Variants in TNFRSF21 observed in about 807,000 individuals in gnomAD.
TNFRSF21 encodes the protein TNF receptor superfamily member 21.
In TNFRSF21, 19 loss-of-function variants were observed where a neutral mutation model predicts 45.6. The observed-to-expected ratio is 0.42, with a 90% CI of 0.29 to 0.61. The LOEUF is 0.61. TNFRSF21 is among the 20% of genes least tolerant of loss of function. TNFRSF21 has a pLI of 0.23. For missense variants in TNFRSF21, 737 were observed against 851.5 expected, an observed-to-expected ratio of 0.87 and a Z score of 1.67; for synonymous variants, 314 against 335.5, an observed-to-expected ratio of 0.94 and a Z score of 0.70.
chr6:47,283,280 C>T (rs530892948), intron 3 of TNFRSF21, among the ~76,000 whole-genome samples: 7 of 152,326 alleles, frequency 4.6e-5, no homozygotes, highest in Admixed American at 4.6e-4. Flanking sequence ...CTGTATTCAA[C>T]ACATGCTGAC....
At chr6:47,285,908 CCTT>C (rs1762638970) in intron 2 of TNFRSF21, 33 bp downstream of exon 2, 5 of 1,599,356 alleles carry the variant, frequency 3.1e-6, no homozygotes, top group Non-Finnish European at 4.3e-6. Context: ...GGGCTCAAAG[CCTT>C]CCTCAAATAA....
chr6:47,236,976 T>C (rs1294808917), intron 4 of TNFRSF21, among the ~76,000 whole-genome samples: 2 of 151,800 alleles, frequency 1.3e-5, no homozygotes, highest in Non-Finnish European at 2.9e-5. Context: ...AAATGTTTAA[T>C]TTCCCCCCCC....
At chr6:47,274,245 G>A (rs1330098318) in intron 3 of TNFRSF21, among the ~76,000 whole-genome samples, 2 of 152,048 alleles carry the variant, frequency 1.3e-5, no homozygotes, top group Non-Finnish European at 2.9e-5. Context: ...TATACTACAA[G>A]GCTATAGTAA....
chr6:47,261,401 G>C (rs34219815), intron 3 of TNFRSF21, among the ~76,000 whole-genome samples: 1 of 152,146 alleles, frequency 6.6e-6, no homozygotes. Flanking sequence ...AAATGAATGA[G>C]AGTCTTTTTT....
At chr6:47,252,687 G>C (rs1764916711) in intron 4 of TNFRSF21, among the ~76,000 whole-genome samples, 1 of 152,180 alleles carries the variant, frequency 6.6e-6, no homozygotes, top group South Asian at 2.1e-4. Flanking sequence ...TCCAAAGCCA[G>C]GGCTTATTAG....
intron 4 of TNFRSF21, among the ~76,000 whole-genome samples, chr6:47,246,353 C>G (rs1419744338): frequency 6.6e-6 from 1 of 152,242 alleles, no homozygotes; most frequent in African/African-American, 2.4e-5. Context: ...GCCCCCTGCT[C>G]TATGTCAAGT....
At chr6:47,294,156 T>C (rs1371661117) in intron 1 of TNFRSF21, among the ~76,000 whole-genome samples, 3 of 152,194 alleles carry the variant, frequency 2.0e-5, no homozygotes, top group Non-Finnish European at 4.4e-5. Flanking sequence ...TTGTTTTGTT[T>C]TGTTTTGAGA....
intron 4 of TNFRSF21, among the ~76,000 whole-genome samples, chr6:47,248,616 C>G (rs989628647): frequency 6.6e-6 from 1 of 152,198 alleles, no homozygotes; most frequent in African/African-American, 2.4e-5. Context: ...TTCCAGCCAG[C>G]CTAGGAACAT....
intron 3 of TNFRSF21, among the ~76,000 whole-genome samples, chr6:47,254,548 C>T (rs1208627600): frequency 6.6e-6 from 1 of 152,104 alleles, no homozygotes; most frequent in Non-Finnish European, 1.5e-5. Context: ...AGGGAAGCTG[C>T]AAATTAAAAC....
At chr6:47,254,581 T>G (rs1764953141) in intron 3 of TNFRSF21, among the ~76,000 whole-genome samples, 1 of 152,192 alleles carries the variant, frequency 6.6e-6, no homozygotes, top group African/African-American at 2.4e-5. Context: ...TACCCAGAAC[T>G]GTCTAGGTAA....
At chr6:47,238,746 C>A (rs1263036761) in intron 4 of TNFRSF21, among the ~76,000 whole-genome samples, 1 of 152,218 alleles carries the variant, frequency 6.6e-6, no homozygotes, top group African/African-American at 2.4e-5. Context: ...GTACAAGGAA[C>A]CATCCAAATG....
At chr6:47,301,759 TA>T (rs1180369089) in intron 1 of TNFRSF21, among the ~76,000 whole-genome samples, 1 of 152,198 alleles carries the variant, frequency 6.6e-6, no homozygotes, top group Non-Finnish European at 1.5e-5. Context: ...GAGGCCTTAC[TA>T]GAAGCCAAAC....
At chr6:47,280,490 C>T (rs2236037) in intron 3 of TNFRSF21, among the ~76,000 whole-genome samples, 18,980 of 152,182 alleles carry the variant, frequency 0.12, 1,959 homozygotes, top group East Asian at 0.46. Flanking sequence ...AGAAAAACAC[C>T]TTAAATATAA....
chr6:47,272,261 G>A (rs1277197699), intron 3 of TNFRSF21, among the ~76,000 whole-genome samples: 1 of 152,060 alleles, frequency 6.6e-6, no homozygotes. Context: ...CCATATAATT[G>A]GAAGTAAAGC....
intron 1 of TNFRSF21, among the ~76,000 whole-genome samples, chr6:47,293,249 C>T (rs1270157255): frequency 2.0e-5 from 3 of 152,232 alleles, no homozygotes; most frequent in Admixed American, 1.3e-4. Context: ...ACATAGATTG[C>T]ATTTCCTCCC....
At chr6:47,244,537 T>C (rs190249742) in intron 4 of TNFRSF21, among the ~76,000 whole-genome samples, 10 of 152,306 alleles carry the variant, frequency 6.6e-5, no homozygotes, top group Admixed American at 5.9e-4. Context: ...GTAGTTGCAT[T>C]GTTCTTGTAC....
intron 4 of TNFRSF21, among the ~76,000 whole-genome samples, chr6:47,241,960 C>T (rs1006386911): frequency 6.6e-6 from 1 of 152,118 alleles, no homozygotes; most frequent in African/African-American, 2.4e-5. Flanking sequence ...TGTCAATTGC[C>T]AAGTGGACAG....
intron 3 of TNFRSF21, among the ~76,000 whole-genome samples, chr6:47,265,985 T>C (rs1762328026): frequency 6.6e-6 from 1 of 152,226 alleles, no homozygotes; most frequent in African/African-American, 2.4e-5. Context: ...GTATTCCTGA[T>C]ACCTGATTGA....
intron 3 of TNFRSF21, 24 bp downstream of exon 3, chr6:47,283,914 A>G: frequency 6.3e-7 from 1 of 1,598,622 alleles, no homozygotes; most frequent in Non-Finnish European, 8.5e-7. Flanking sequence ...ATCTGTGAGC[A>G]AGGAGAGAAG....
Sources: gnomAD v4.1 joint callset for allele counts (sites outside exome capture counted in the v4.1 genomes callset) on GRCh38, gnomAD v4.1.1 for gene constraint, MANE v1.5 for transcripts, NCBI Gene and HGNC (gene_info 2026-07-23, HGNC 2026-07-21) for gene names.